CDH8: variants seen among roughly 807,000 people sequenced by gnomAD.
CDH8 encodes the protein cadherin 8, also known as cadherin-8.
CDH8 carries 17 observed loss-of-function variants against 68.1 expected under a neutral mutation model. The ratio of observed to expected loss-of-function variants is 0.25; its 90% CI spans 0.17 to 0.37. CDH8 has a LOEUF of 0.37. Ranked by LOEUF, CDH8 falls within the 10% of genes least tolerant of loss-of-function variation. The pLI is 1.00. For synonymous variants in CDH8, 372 were observed against 365.1 expected, an observed-to-expected ratio of 1.02 and a Z score of -0.21; for missense variants, 763 against 999.3, an observed-to-expected ratio of 0.76 and a Z score of 3.19.
At chr16:61,971,750 T>C (rs1965344127) in intron 2 of CDH8, among the ~76,000 whole-genome samples, 1 of 152,190 alleles carries the variant, frequency 6.6e-6, no homozygotes, top group Admixed American at 6.5e-5. Flanking sequence ...GCTCCCACGC[T>C]AGAGCTGCAT....
intron 10 of CDH8, among the ~76,000 whole-genome samples, chr16:61,703,190 T>C (rs1964464681): frequency 6.6e-6 from 1 of 152,202 alleles, no homozygotes; most frequent in African/African-American, 2.4e-5. Context: ...TTAGCTAGAT[T>C]ATTCTTTGGG....
chr16:62,004,749 T>C (rs1302254541), intron 2 of CDH8, among the ~76,000 whole-genome samples: 1 of 152,146 alleles, frequency 6.6e-6, no homozygotes, highest in Non-Finnish European at 1.5e-5. Context: ...AAATAGAAAA[T>C]ACTATTCTTT....
At chr16:61,678,487 A>G (rs1380254688) in intron 10 of CDH8, among the ~76,000 whole-genome samples, 1 of 152,048 alleles carries the variant, frequency 6.6e-6, no homozygotes, top group Non-Finnish European at 1.5e-5. Context: ...TGTGTCAGAT[A>G]TCAATTCCTT....
intron 2 of CDH8, among the ~76,000 whole-genome samples, chr16:61,936,528 C>G (rs148625126): frequency 6.6e-6 from 1 of 152,200 alleles, no homozygotes; most frequent in African/African-American, 2.4e-5. Context: ...TATGTAGCTA[C>G]GAAGAGCAAT....
chr16:61,980,264 G>C (rs1965508272), intron 2 of CDH8, among the ~76,000 whole-genome samples: 1 of 152,118 alleles, frequency 6.6e-6, no homozygotes, highest in South Asian at 2.1e-4. Flanking sequence ...TCCAAATATG[G>C]GACTACAAAT....
chr16:61,787,385 T>A (rs35990189), intron 8 of CDH8, among the ~76,000 whole-genome samples: 11 of 144,602 alleles, frequency 7.6e-5, no homozygotes, highest in South Asian at 2.2e-4. Flanking sequence ...TCAAAACCAC[T>A]ATGAGATACC....
At chr16:61,689,146 T>A (rs1489275603) in intron 10 of CDH8, among the ~76,000 whole-genome samples, 1 of 152,038 alleles carries the variant, frequency 6.6e-6, no homozygotes, top group Non-Finnish European at 1.5e-5. Context: ...TATGGTCCTT[T>A]ATTTCATTTC....
intron 8 of CDH8, among the ~76,000 whole-genome samples, chr16:61,762,601 G>T (rs1019014944): frequency 2.6e-5 from 4 of 151,998 alleles, no homozygotes; most frequent in African/African-American, 9.7e-5. Flanking sequence ...AAATTCTCAG[G>T]CCCCAAACAA....
At chr16:61,911,926 T>C (rs1567524874) in intron 2 of CDH8, among the ~76,000 whole-genome samples, 1 of 152,116 alleles carries the variant, frequency 6.6e-6, no homozygotes, top group African/African-American at 2.4e-5. Flanking sequence ...TAGATTGTAC[T>C]GTCAAAAAGT....
At chr16:61,819,786 A>C (rs1962168354) in intron 6 of CDH8, among the ~76,000 whole-genome samples, 1 of 152,084 alleles carries the variant, frequency 6.6e-6, no homozygotes, top group Non-Finnish European at 1.5e-5. Context: ...AATGCTGATG[A>C]AGAAAGTGAA....
At chr16:62,025,000 C>T (rs889076356) in intron 1 of CDH8, among the ~76,000 whole-genome samples, 2 of 152,148 alleles carry the variant, frequency 1.3e-5, no homozygotes, top group African/African-American at 2.4e-5. Flanking sequence ...TAAAGAAATA[C>T]ATAAACAATT....
intron 3 of CDH8, among the ~76,000 whole-genome samples, chr16:61,896,813 T>C (rs1459496670): frequency 1.3e-5 from 2 of 152,124 alleles, no homozygotes; most frequent in Non-Finnish European, 2.9e-5. Context: ...TGTGGAACAC[T>C]TATTTACTTT....
In CDH8 at chr16:62,004,803, A is replaced by C. The variant is rs145345658; in HGVS notation, c.252+16349T>G. Among the ~76,000 whole-genome samples the C allele has an allele frequency of 3.3e-5, 5 of 152,368 alleles. No individual in the cohort carries two copies. The East Asian group carries it at 9.7e-4, about 29-fold the overall frequency. On this transcript the variant is annotated intron_variant, in intron 2 of 11. Transcript: ENST00000577390. ...TATCTGCATTCAGTCAATCAGTCTT[A>C]ATGCTTACAGTTTTCAGGGGAGAAA...
intron 8 of CDH8, among the ~76,000 whole-genome samples, chr16:61,773,382 T>C (rs555358329): frequency 6.6e-6 from 1 of 152,228 alleles, no homozygotes; most frequent in African/African-American, 2.4e-5. Flanking sequence ...AGGAGCCATG[T>C]CTTGTTTTTT....
chr16:62,014,327 T>A (rs113229210), intron 2 of CDH8, among the ~76,000 whole-genome samples: 1 of 152,318 alleles, frequency 6.6e-6, no homozygotes, highest in African/African-American at 2.4e-5. Flanking sequence ...TACCCCTATT[T>A]CTAAGTCGGA....
chr16:61,775,624 C>T (rs570235166), intron 8 of CDH8, among the ~76,000 whole-genome samples: 16 of 152,132 alleles, frequency 1.1e-4, no homozygotes, highest in Admixed American at 1.0e-3. Flanking sequence ...TGTTGCTTTG[C>T]TGCATCTTGT....
intron 7 of CDH8, among the ~76,000 whole-genome samples, chr16:61,790,607 G>C (rs1376761444): frequency 6.6e-6 from 1 of 152,004 alleles, no homozygotes. Flanking sequence ...GTCCATGCCA[G>C]TTAGTACTGA....
At chr16:61,779,142 A>G (rs915484985) in intron 8 of CDH8, among the ~76,000 whole-genome samples, 14 of 152,156 alleles carry the variant, frequency 9.2e-5, no homozygotes, top group African/African-American at 3.4e-4. Flanking sequence ...TGCCATGCCA[A>G]TTGTCTGCTC....
At chr16:61,787,944 G>C (rs1237922191) in intron 8 of CDH8, among the ~76,000 whole-genome samples, 2 of 120,958 alleles carry the variant, frequency 1.7e-5, no homozygotes, top group African/African-American at 3.8e-5. Flanking sequence ...ACTGTGGTGG[G>C]GGGGGCGGGG....
Sources: gnomAD v4.1 joint callset for allele counts (sites outside exome capture counted in the v4.1 genomes callset) on GRCh38, gnomAD v4.1.1 for gene constraint, MANE v1.5 for transcripts, NCBI Gene and HGNC (gene_info 2026-07-23, HGNC 2026-07-21) for gene names.